The following IKZF1 variants were observed in gnomAD, a reference collection of about 807,000 sequenced individuals.
IKZF1 encodes the protein IKAROS family zinc finger 1, also known as DNA-binding protein Ikaros.
Under a neutral mutation model 51.7 loss-of-function variants are expected in IKZF1, and 10 were observed. The observed-to-expected ratio is 0.19, with a 90% confidence interval of 0.12 to 0.33. The LOEUF is 0.33. Ranked by LOEUF, IKZF1 falls within the 10% of genes least tolerant of loss-of-function variation. The pLI is 1.00. For missense variants in IKZF1, 484 were observed against 707.5 expected (o/e 0.68, Z 3.58); for synonymous variants, 280 against 282.3 (o/e 0.99, Z 0.08).
intron 2 of IKZF1, among the ~76,000 whole-genome samples, chr7:50,326,727 A>T (rs769531046): frequency 6.6e-6 from 1 of 152,216 alleles, no homozygotes; most frequent in African/African-American, 2.4e-5. Flanking sequence ...TGTGTGGATT[A>T]TATTTTATTT....
intron 1 of IKZF1, among the ~76,000 whole-genome samples, chr7:50,312,473 G>A (rs1224816431): frequency 2.6e-5 from 4 of 152,188 alleles, no homozygotes; most frequent in East Asian, 1.9e-4. Flanking sequence ...AGCAACAAAC[G>A]TGAACACAGA....
chr7:50,382,400 A>G (rs1037765073), intron 4 of IKZF1, 140 bp from the exon 5 acceptor site: 16 of 1,232,138 alleles, frequency 1.3e-5, no homozygotes, highest in Non-Finnish European at 1.7e-5. Context: ...TGGCAGGTTT[A>G]GTCTGAAAGC....
chr7:50,336,175 A>G (rs1051370633), intron 3 of IKZF1, among the ~76,000 whole-genome samples: 3 of 152,202 alleles, frequency 2.0e-5, no homozygotes, highest in African/African-American at 7.2e-5. Context: ...GGGTCCCCGG[A>G]GAAGACTCAG....
chr7:50,309,699 C>T (rs140612774), intron 1 of IKZF1, among the ~76,000 whole-genome samples: 111 of 152,310 alleles, frequency 7.3e-4, no homozygotes, highest in Non-Finnish European at 9.7e-4. Flanking sequence ...CTAGGAGTTC[C>T]ACTATGAATA....
In IKZF1 at chr7:50,357,005, G is replaced by A. The variant is rs373821688; in HGVS notation, c.161-19528G>A. 6.7e-4 allele frequency among the ~76,000 whole-genome samples: 102 copies of A among 152,114 alleles called. 3 individuals are homozygous for A. In the South Asian group the frequency reaches 0.018, roughly 26 times the overall value. ...CTAAAACCTAGAGTAACCGAGAGCAGGATGACTGCACCCCTGACTGCCGAC... is the reference window on the plus strand; with the variant it reads ...CTAAAACCTAGAGTAACCGAGAGCAAGATGACTGCACCCCTGACTGCCGAC... On this transcript the variant is annotated intron_variant, in intron 3 of 7. Transcript: ENST00000331340.
In IKZF1 at chr7:50,400,810, G is replaced by T. The variant is rs146152306; in HGVS notation, c.*183G>T. 1,603 of 794,732 alleles carry T rather than the reference G, an allele frequency of 2.0e-3. 3 individuals carry two copies. The highest frequency in any genetic ancestry group is 2.8e-3 in the Non-Finnish European group (1,429 of 516,764). The allele number at this position is 794,732 out of a possible 1,614,324, so 49.2% of individuals were successfully genotyped here. On this transcript the variant is annotated 3_prime_UTR_variant, in exon 8 of 8. Transcript: ENST00000331340. The surrounding 1 kb of genome is among the most constrained non-coding windows in gnomAD (Gnocchi z 5.4). ...TTGGGGTTTGATTTGCTTTTGAAAA[G>T]ATTTTTATTTTTAGAGGCAGGGCTG...
Position 50,403,079 on chromosome 7 carries a change from A to G in IKZF1, c.*2452A>G, listed in dbSNP as rs1457939073. ...AGAACTGTAAATAGTGATTGCAGGA[A>G]TTCTTTTCTAAACTGCTTTGCCCTT... On this transcript the variant is annotated 3_prime_UTR_variant, in exon 8 of 8. Coordinates refer to ENST00000331340, the MANE Select transcript of IKZF1 (RefSeq NM_006060.6). The G allele has an allele frequency of 4.5e-6, 1 of 223,606 alleles. No homozygotes were observed. Among genetic ancestry groups the G allele is most frequent in the African/African-American group, 2.2e-5 (1 of 44,834 alleles). 13.9% of individuals were successfully genotyped at this position (223,606 alleles called of 1,614,324 possible).
chr7:50,334,261 A>G (rs997840101), intron 3 of IKZF1, among the ~76,000 whole-genome samples: 5 of 152,240 alleles, frequency 3.3e-5, no homozygotes, highest in African/African-American at 1.2e-4. Context: ...CGGTGAGATC[A>G]GGCAGCAGAA....
At position 50,404,591 on chromosome 7, in the gene IKZF1, G is replaced by A. The variant is rs2153523232; in HGVS notation, c.*3964G>A. The A allele has an allele frequency of 4.4e-6, 1 of 229,148 alleles. No individual in the cohort carries two copies. Among genetic ancestry groups the A allele is most frequent in the Non-Finnish European group, 8.7e-6 (1 of 115,396 alleles). 14.2% of individuals were successfully genotyped at this position (229,148 alleles called of 1,614,324 possible). A position where few individuals can be genotyped will look rare whatever the true frequency, so the allele number is the denominator to read the frequency against. On this transcript the variant is annotated 3_prime_UTR_variant, in exon 8 of 8. Coordinates refer to ENST00000331340, the MANE Select transcript of IKZF1 (RefSeq NM_006060.6). ...AATACCACTTGGGAACACATGTGGT[G>A]TCTTGATGTGGCCAGCGCAGCAGTT... is the stretch of plus-strand genomic sequence containing the variant.
intron 3 of IKZF1, among the ~76,000 whole-genome samples, chr7:50,351,555 A>G (rs1408295162): frequency 6.6e-6 from 1 of 152,196 alleles, no homozygotes; most frequent in Non-Finnish European, 1.5e-5. Flanking sequence ...TTTGCTCAGA[A>G]ATGGATATGT....
intron 2 of IKZF1, among the ~76,000 whole-genome samples, chr7:50,323,800 A>G (rs1194376748): frequency 6.6e-6 from 1 of 152,244 alleles, no homozygotes; most frequent in Non-Finnish European, 1.5e-5. Flanking sequence ...CATATAGTTT[A>G]CCAAATAATA....
chr7:50,387,237 T>C, intron 5 of IKZF1, 108 bp from the exon 6 acceptor site: 1 of 1,388,010 alleles, frequency 7.2e-7, no homozygotes. Context: ...CTCTCAAGGG[T>C]AGAATTTTTT....
intron 3 of IKZF1, among the ~76,000 whole-genome samples, chr7:50,375,861 G>A (rs1382157574): frequency 6.6e-6 from 1 of 152,114 alleles, no homozygotes. Flanking sequence ...AGAACACAGG[G>A]TTTGTTTTTA....
rs1442687655 is a variant in IKZF1, at chr7:50,336,077, T to C, written c.160+8320T>C. ...CTGACATTCCTGTTAAGCAGGTGGCTTTAGGGAGAAGCATTGACACACTGA... is the reference window on the plus strand; with the variant it reads ...CTGACATTCCTGTTAAGCAGGTGGCCTTAGGGAGAAGCATTGACACACTGA... On this transcript the variant is annotated intron_variant, in intron 3 of 7. Coordinates refer to ENST00000331340, the MANE Select transcript of IKZF1 (RefSeq NM_006060.6). Among the ~76,000 whole-genome samples, 32 of 152,228 alleles carry C rather than the reference T, an allele frequency of 2.1e-4. No individual in the cohort carries two copies. In the East Asian group the frequency reaches 5.6e-3, roughly 27 times the overall value.
chr7:50,314,579 G>A (rs1027623924), intron 1 of IKZF1, among the ~76,000 whole-genome samples: 2 of 152,198 alleles, frequency 1.3e-5, no homozygotes, highest in African/African-American at 4.8e-5. Flanking sequence ...TGTGATTCTT[G>A]ACAGGCATCT....
At chr7:50,395,060 C>A (rs1037660919) in intron 7 of IKZF1, among the ~76,000 whole-genome samples, 5 of 152,100 alleles carry the variant, frequency 3.3e-5, no homozygotes, top group Admixed American at 6.5e-5. Context: ...GAAAAAGAAA[C>A]CCTGTTATAT....
intron 3 of IKZF1, among the ~76,000 whole-genome samples, chr7:50,363,091 T>C (rs1423767215): frequency 6.6e-6 from 1 of 152,076 alleles, no homozygotes; most frequent in East Asian, 1.9e-4. Flanking sequence ...ATGTATGGAA[T>C]CCAGATGAAG....
At chr7:50,391,286 G>T (rs1029585162) in intron 6 of IKZF1, among the ~76,000 whole-genome samples, 2 of 152,144 alleles carry the variant, frequency 1.3e-5, no homozygotes, top group African/African-American at 4.8e-5. Context: ...CCACATTTTT[G>T]TATCTCCGTT....
intron 7 of IKZF1, among the ~76,000 whole-genome samples, chr7:50,393,606 T>G (rs1815838543): frequency 6.6e-6 from 1 of 152,216 alleles, no homozygotes; most frequent in South Asian, 2.1e-4. Context: ...AGCCACTGGC[T>G]GAGCCAGTGG....
Sources: allele counts gnomAD v4.1 joint callset (sites outside exome capture counted in the v4.1 genomes callset), GRCh38; gene constraint gnomAD v4.1.1; non-coding constraint Gnocchi (gnomAD v3.1); transcripts MANE v1.5; gene names NCBI Gene and HGNC (gene_info 2026-07-23, HGNC 2026-07-21).